SIPA1L2: variants seen among roughly 807,000 people sequenced by gnomAD.
SIPA1L2 encodes signal induced proliferation associated 1 like 2.
In SIPA1L2, 56 loss-of-function variants were observed where a neutral mutation model predicts 163.9. That is an observed-to-expected ratio of 0.34 (90% CI 0.28 to 0.43). The LOEUF (loss-of-function observed/expected upper bound fraction) is 0.43, where lower values mean the gene tolerates loss of function less well. SIPA1L2 is among the 20% of genes least tolerant of loss of function. SIPA1L2 has a pLI of 1.00. For synonymous variants in SIPA1L2, 877 were observed against 865.7 expected, an observed-to-expected ratio of 1.01 and a Z score of -0.23; for missense variants, 1,974 against 2,193.5, an observed-to-expected ratio of 0.90 and a Z score of 2.00.
intron 3 of SIPA1L2, among the ~76,000 whole-genome samples, chr1:232,498,879 C>T (rs1193821230): frequency 6.6e-6 from 1 of 152,162 alleles, no homozygotes; most frequent in Admixed American, 6.5e-5. Context: ...TACACAAATT[C>T]CAGGGATTAG....
chr1:232,606,369 C>T (rs1661920255), intron 1 of SIPA1L2, among the ~76,000 whole-genome samples: 1 of 151,936 alleles, frequency 6.6e-6, no homozygotes, highest in Non-Finnish European at 1.5e-5. Flanking sequence ...AAGCATAGTA[C>T]CAAAGGGCCG....
intron 17 of SIPA1L2, among the ~76,000 whole-genome samples, chr1:232,426,175 T>G (rs765281088): frequency 2.0e-5 from 3 of 152,260 alleles, no homozygotes; most frequent in African/African-American, 7.2e-5. Flanking sequence ...CTCCACATAA[T>G]ACTGGTTTGA....
intron 2 of SIPA1L2, among the ~76,000 whole-genome samples, chr1:232,547,399 C>T (rs536392469): frequency 2.6e-5 from 4 of 151,728 alleles, no homozygotes; most frequent in East Asian, 1.9e-4. Flanking sequence ...AAGGTGGTCT[C>T]GGTGTAACAA....
At chr1:232,501,189 C>G (rs1666462038) in intron 3 of SIPA1L2, among the ~76,000 whole-genome samples, 1 of 151,402 alleles carries the variant, frequency 6.6e-6, no homozygotes, top group Non-Finnish European at 1.5e-5. Context: ...TCCTGAGTAG[C>G]TGGGACTACA....
rs1330758144 is a variant in SIPA1L2 at position 232,456,672 on chromosome 1, GTC to G, written c.3095+4213_3095+4214del. Among the ~76,000 whole-genome samples the G allele has an allele frequency of 9.9e-5, 15 of 152,274 alleles. No individual in the cohort carries two copies. The South Asian group carries it at 3.1e-3, about 32-fold the overall frequency. ...TTCCTTCAAATGACACTGATAGAAT[GTC>G]AGTCACCTTTGAAGGCCAGAGGCCA... On this transcript the variant is annotated intron_variant, in intron 10 of 22. Transcript: ENST00000674635.
chr1:232,509,165 T>C (rs1025984856), intron 3 of SIPA1L2, among the ~76,000 whole-genome samples: 1 of 152,246 alleles, frequency 6.6e-6, no homozygotes, highest in Non-Finnish European at 1.5e-5. Context: ...GTCACACAGT[T>C]TCCTGTGTCC....
At chr1:232,510,907 A>G (rs1006868924) in intron 3 of SIPA1L2, among the ~76,000 whole-genome samples, 1 of 152,228 alleles carries the variant, frequency 6.6e-6, no homozygotes, top group African/African-American at 2.4e-5. Context: ...AGTATTTCAA[A>G]GTCTGAATCA....
intron 22 of SIPA1L2, among the ~76,000 whole-genome samples, chr1:232,401,964 T>C (rs981280266): frequency 3.9e-5 from 6 of 152,176 alleles, no homozygotes; most frequent in Admixed American, 2.0e-4. Context: ...TGCAGGTTGA[T>C]GTGTACAGCA....
chr1:232,416,249 T>A (rs963278699), intron 18 of SIPA1L2, among the ~76,000 whole-genome samples: 4 of 152,174 alleles, frequency 2.6e-5, no homozygotes, highest in African/African-American at 9.7e-5. Context: ...GCCAAGATAA[T>A]TTTTCCTGCT....
intron 1 of SIPA1L2, among the ~76,000 whole-genome samples, chr1:232,605,877 C>T (rs1303055097): frequency 3.3e-5 from 5 of 152,194 alleles, no homozygotes; most frequent in South Asian, 2.1e-4. Flanking sequence ...ATCACACATA[C>T]GTGCACTGCC....
chr1:232,406,519 C>T lies in SIPA1L2; in HGVS notation c.4763-2341G>A, dbSNP rs60878576. 2.8e-3 allele frequency among the ~76,000 whole-genome samples: 426 copies of T among 152,320 alleles called. 8 individuals are homozygous for T. Among genetic ancestry groups the T allele is most frequent in the African/African-American group, 9.5e-3 (394 of 41,572 alleles). On this transcript the variant is annotated intron_variant, in intron 19 of 22. Coordinates refer to ENST00000674635, the MANE Select transcript of SIPA1L2 (RefSeq NM_020808.5). ...ATTCCATATCCTAGAGCCAAGATGG[C>T]AAAACAGATGACTGCAAGTCACTCC...
chr1:232,432,378 G>A lies in SIPA1L2; in HGVS notation c.4125C>T (p.Ser1375=), dbSNP rs769797208. ...SSKVYIVSHS[S]GQQVPGSMSK... is the part of the protein sequence containing the mutation. ...ACATGGACCCGGGAACCTGTTGTCC[G>A]CTGCTGTGAGACACGATGTAGACTT... Residue 1375 remains serine, a synonymous_variant, in exon 16 of 23, where the codon AGC becomes AGT. Transcript: ENST00000674635. 1.7e-5 allele frequency: 28 copies of A among 1,614,176 alleles called. No homozygotes were observed. Among genetic ancestry groups the A allele is most frequent in the Admixed American group, 5.0e-5 (3 of 60,012 alleles).
At chr1:232,402,536 A>ATC in intron 21 of SIPA1L2, 63 bp from the exon 22 acceptor site, 4 of 1,440,554 alleles carry the variant, frequency 2.8e-6, no homozygotes, top group Non-Finnish European at 3.8e-6. Flanking sequence ...TTGTTGGTCA[A>ATC]GTTTTCACTC....
At chr1:232,518,726 A>G (rs1303469455) in intron 2 of SIPA1L2, among the ~76,000 whole-genome samples, 1 of 151,930 alleles carries the variant, frequency 6.6e-6, no homozygotes, top group Non-Finnish European at 1.5e-5. Context: ...ACCCATTTCC[A>G]TGCCTTCTAA....
At chr1:232,429,033 G>A (rs930565033) in intron 16 of SIPA1L2, among the ~76,000 whole-genome samples, 2 of 152,158 alleles carry the variant, frequency 1.3e-5, no homozygotes, top group African/African-American at 2.4e-5. Flanking sequence ...CAATTCACAC[G>A]TGTGCTAAGC....
chr1:232,455,797 C>T (rs1663878206), intron 10 of SIPA1L2, among the ~76,000 whole-genome samples: 1 of 151,712 alleles, frequency 6.6e-6, no homozygotes, highest in Non-Finnish European at 1.5e-5. Context: ...ATGTCTTTTG[C>T]AGCAACACAG....
intron 10 of SIPA1L2, among the ~76,000 whole-genome samples, chr1:232,458,686 A>C (rs1664062071): frequency 6.6e-6 from 1 of 152,220 alleles, no homozygotes; most frequent in Admixed American, 6.5e-5. Flanking sequence ...CTTAATAATT[A>C]AAAACCTGTA....
chr1:232,446,374 C>T (rs1330990269), intron 10 of SIPA1L2, among the ~76,000 whole-genome samples: 1 of 152,158 alleles, frequency 6.6e-6, no homozygotes, highest in East Asian at 1.9e-4. Flanking sequence ...ATAAGACCCT[C>T]TAAGCAAATA....
At chr1:232,450,768 C>T (rs1663525759) in intron 10 of SIPA1L2, among the ~76,000 whole-genome samples, 1 of 152,202 alleles carries the variant, frequency 6.6e-6, no homozygotes, top group Non-Finnish European at 1.5e-5. Context: ...AATTCATGCC[C>T]ATAGACTGTA....
Sources: gnomAD v4.1 joint callset for allele counts (sites outside exome capture counted in the v4.1 genomes callset) on GRCh38, gnomAD v4.1.1 for gene constraint, MANE v1.5 for transcripts, NCBI Gene and HGNC (gene_info 2026-07-23, HGNC 2026-07-21) for gene names.